The following ADAM12 variants were observed in gnomAD, a reference collection of about 807,000 sequenced individuals.
The protein encoded by ADAM12 is disintegrin and metalloproteinase domain-containing protein 12.
A neutral mutation model predicts 106.4 loss-of-function variants in ADAM12; 70 were observed. The ratio of observed to expected loss-of-function variants is 0.66; its 90% CI spans 0.54 to 0.80. The LOEUF is 0.80. ADAM12 is among the 30% of genes least tolerant of loss of function. The pLI is 0.00. For synonymous variants in ADAM12, 420 were observed against 433.5 expected, an observed-to-expected ratio of 0.97 and a Z score of 0.39; for missense variants, 1,010 against 1,171.9, an observed-to-expected ratio of 0.86 and a Z score of 2.02.
At chr10:126,085,576 A>G (rs1275687250) in intron 11 of ADAM12, among the ~76,000 whole-genome samples, 5 of 152,090 alleles carry the variant, frequency 3.3e-5, no homozygotes, top group Admixed American at 3.3e-4. Flanking sequence ...CCCATTATCC[A>G]TTCATCCACC....
At chr10:126,253,940 C>A (rs577917068) in intron 3 of ADAM12, among the ~76,000 whole-genome samples, 1 of 152,344 alleles carries the variant, frequency 6.6e-6, no homozygotes, top group South Asian at 2.1e-4. Flanking sequence ...GCAATTACAG[C>A]ACAGGATGCT....
At chr10:126,082,770 T>C (rs1955253870) in intron 11 of ADAM12, among the ~76,000 whole-genome samples, 1 of 152,140 alleles carries the variant, frequency 6.6e-6, no homozygotes, top group Non-Finnish European at 1.5e-5. Context: ...CCTAGTCCCT[T>C]GAGAAGCATA....
intron 3 of ADAM12, among the ~76,000 whole-genome samples, chr10:126,261,543 C>A (rs1442954066): frequency 1.3e-5 from 2 of 152,204 alleles, no homozygotes; most frequent in South Asian, 2.1e-4. Flanking sequence ...CTATCCTTTG[C>A]GACTGTGTAA....
intron 3 of ADAM12, among the ~76,000 whole-genome samples, chr10:126,238,661 T>C (rs1387537559): frequency 1.3e-5 from 2 of 152,212 alleles, no homozygotes; most frequent in Non-Finnish European, 2.9e-5. Flanking sequence ...TAGACCATTC[T>C]AGAAATTAAC....
chr10:126,387,041 A>G (rs1190862171), intron 1 of ADAM12, among the ~76,000 whole-genome samples: 4 of 152,216 alleles, frequency 2.6e-5, no homozygotes, highest in African/African-American at 9.6e-5. Context: ...TCGCAAAATA[A>G]AACGTATCAT....
chr10:126,345,506 C>A lies in ADAM12; in HGVS notation c.89-14997G>T, dbSNP rs113527251. ...TCTCCTTTTTTGTTGTGTCTCTGCC[C>A]GGCTTTGGTATCAGGATGATGCTGG... is the stretch of plus-strand genomic sequence containing the variant. On this transcript the variant is annotated intron_variant, in intron 1 of 22. Transcript: ENST00000448723. Among the ~76,000 whole-genome samples the A allele has an allele frequency of 2.6e-5, 4 of 152,134 alleles. 1 individual carries two copies. Among genetic ancestry groups the A allele is most frequent in the Admixed American group, 6.5e-5 (1 of 15,284 alleles).
chr10:126,029,886 G>A (rs1953944340), intron 21 of ADAM12, among the ~76,000 whole-genome samples: 1 of 152,216 alleles, frequency 6.6e-6, no homozygotes, highest in Non-Finnish European at 1.5e-5. Flanking sequence ...TGTTGGTGAG[G>A]AGCTGGATAA....
chr10:126,143,601 CTGTA>C (rs1956566814), intron 4 of ADAM12, among the ~76,000 whole-genome samples: 3 of 147,824 alleles, frequency 2.0e-5, no homozygotes, highest in Non-Finnish European at 4.5e-5. Context: ...ATGCATGTAT[CTGTA>C]TGTATATGGG....
At chr10:126,221,379 G>T (rs977904490) in intron 3 of ADAM12, among the ~76,000 whole-genome samples, 5 of 94,048 alleles carry the variant, frequency 5.3e-5, no homozygotes, top group African/African-American at 1.2e-4. Context: ...AACAGAGCAA[G>T]ACTCTGTCTC....
At chr10:126,063,535 C>T (rs3812680) in intron 14 of ADAM12, among the ~76,000 whole-genome samples, 10 of 152,190 alleles carry the variant, frequency 6.6e-5, no homozygotes, top group East Asian at 5.8e-4. Flanking sequence ...GTTTCCCTCC[C>T]GCTAGAGATC....
At chr10:126,044,302 A>G (rs905677348) in intron 17 of ADAM12, among the ~76,000 whole-genome samples, 17 of 152,002 alleles carry the variant, frequency 1.1e-4, no homozygotes, top group African/African-American at 3.9e-4. Context: ...GTTAAAAAAA[A>G]TTAGGTTGAA....
chr10:126,114,273 T>G (rs1370304352), intron 6 of ADAM12, among the ~76,000 whole-genome samples: 1 of 152,094 alleles, frequency 6.6e-6, no homozygotes, highest in African/African-American at 2.4e-5. Context: ...TGAATGTTAA[T>G]AGGGAGAAAT....
chr10:126,256,920 A>G (rs35279777), intron 3 of ADAM12, among the ~76,000 whole-genome samples: 12 of 97,156 alleles, frequency 1.2e-4, no homozygotes, highest in Admixed American at 7.0e-4. Flanking sequence ...TAATAATAAT[A>G]ATGATGATGA....
At chr10:126,340,427 A>T (rs1854883265) in intron 1 of ADAM12, among the ~76,000 whole-genome samples, 1 of 152,234 alleles carries the variant, frequency 6.6e-6, no homozygotes, top group African/African-American at 2.4e-5. Context: ...TCCCCATCTC[A>T]TAGATGATGA....
intron 5 of ADAM12, 74 bp from the exon 6 acceptor site, chr10:126,118,298 T>A: frequency 9.4e-7 from 1 of 1,066,680 alleles, no homozygotes; most frequent in Non-Finnish European, 1.3e-6. Flanking sequence ...ACACAGTTCT[T>A]AACAAGAGAG....
chr10:126,100,985 G>A (rs2133579620), intron 9 of ADAM12, 87 bp downstream of exon 9: 4 of 1,445,544 alleles, frequency 2.8e-6, no homozygotes, highest in Non-Finnish European at 3.8e-6. Flanking sequence ...CAGAAAGGTG[G>A]CAGCTCCTGG....
chr10:126,127,480 G>T (rs1162433003), intron 5 of ADAM12, among the ~76,000 whole-genome samples: 1 of 152,218 alleles, frequency 6.6e-6, no homozygotes, highest in Non-Finnish European at 1.5e-5. Context: ...TAACATGCCA[G>T]GGTCTAGGAC....
At chr10:126,263,123 T>C (rs1262385722) in intron 3 of ADAM12, among the ~76,000 whole-genome samples, 1 of 152,206 alleles carries the variant, frequency 6.6e-6, no homozygotes, top group Non-Finnish European at 1.5e-5. Context: ...TTAATTTGTT[T>C]TGATGCTTGA....
At chr10:126,038,918 A>G (rs1417063566) in intron 19 of ADAM12, among the ~76,000 whole-genome samples, 1 of 148,910 alleles carries the variant, frequency 6.7e-6, no homozygotes, top group Non-Finnish European at 1.5e-5. Context: ...TGAAGTGAGA[A>G]GCAGTTTGCT....
Sources: allele counts gnomAD v4.1 joint callset (sites outside exome capture counted in the v4.1 genomes callset), GRCh38; gene constraint gnomAD v4.1.1; transcripts MANE v1.5; gene names NCBI Gene and HGNC (gene_info 2026-07-23, HGNC 2026-07-21).